The following VCPIP1 variants were observed in gnomAD, a reference collection of about 807,000 sequenced individuals.
VCPIP1 encodes valosin containing protein interacting protein 1.
A neutral mutation model predicts 85.0 loss-of-function variants in VCPIP1; 8 were observed. The observed-to-expected ratio is 0.09, with a 90% CI of 0.06 to 0.17. The LOEUF is 0.17. VCPIP1 is among the 10% of genes least tolerant of loss of function. The pLI, the probability that VCPIP1 is intolerant of heterozygous loss-of-function variation, is 1.00. For synonymous variants in VCPIP1, 543 were observed against 544.5 expected, an observed-to-expected ratio of 1.00 and a Z score of 0.04; for missense variants, 1,070 against 1,486.3, an observed-to-expected ratio of 0.72 and a Z score of 4.61.
intron 2 of VCPIP1, among the ~76,000 whole-genome samples, chr8:66,647,439 T>C (rs1275584017): frequency 6.6e-6 from 1 of 150,944 alleles, no homozygotes; most frequent in Non-Finnish European, 1.5e-5. Context: ...CCAAAACAAT[T>C]CTGAAAAAGA....
intron 2 of VCPIP1, among the ~76,000 whole-genome samples, chr8:66,650,941 T>G (rs1811047637): frequency 6.6e-6 from 1 of 150,406 alleles, no homozygotes; most frequent in Admixed American, 6.6e-5. Context: ...TCCCAACACT[T>G]TGGGAGGCCA....
chr8:66,661,025 C>G (rs1305034358), intron 1 of VCPIP1, among the ~76,000 whole-genome samples: 1 of 151,916 alleles, frequency 6.6e-6, no homozygotes, highest in Non-Finnish European at 1.5e-5. Context: ...CCTGGCGACA[C>G]TGCGAGACTC....
At chr8:66,652,802 A>C (rs1386879944) in intron 1 of VCPIP1, among the ~76,000 whole-genome samples, 1 of 152,202 alleles carries the variant, frequency 6.6e-6, no homozygotes, top group Non-Finnish European at 1.5e-5. Context: ...GGAACATAAC[A>C]GTTACTATGG....
intron 1 of VCPIP1, among the ~76,000 whole-genome samples, chr8:66,656,969 A>G (rs1040090581): frequency 8.6e-5 from 13 of 151,884 alleles, no homozygotes; most frequent in African/African-American, 2.9e-4. Flanking sequence ...GCAGTGGCGC[A>G]ATCTCTGTTC....
chr8:66,652,826 C>T (rs1480709605), intron 1 of VCPIP1, among the ~76,000 whole-genome samples: 1 of 152,038 alleles, frequency 6.6e-6, no homozygotes, highest in Non-Finnish European at 1.5e-5. Context: ...TTTTTATTTG[C>T]TTTATAGTTT....
Position 66,629,535 on chromosome 8 carries a change from A to G in VCPIP1, c.*4966T>C, listed in dbSNP as rs1391880300. On this transcript the variant is annotated 3_prime_UTR_variant, in exon 3 of 3. Coordinates refer to ENST00000310421, the MANE Select transcript of VCPIP1 (RefSeq NM_025054.5). The stretch of plus-strand genomic sequence containing the variant: ...AAATATTCAGTAAGCATTATGGCCC[A>G]ATTATGTAATATGTCTAAAGAAATT... 2.0e-5 allele frequency: 3 copies of G among 152,336 alleles called. No homozygotes were observed. In the East Asian group the frequency reaches 5.8e-4, roughly 29 times the overall value. 9.4% of individuals were successfully genotyped at this position (152,336 alleles called of 1,614,324 possible).
intron 2 of VCPIP1, among the ~76,000 whole-genome samples, chr8:66,650,256 T>C (rs1811039047): frequency 1.3e-5 from 2 of 152,092 alleles, no homozygotes; most frequent in Admixed American, 6.6e-5. Context: ...AGTAGGTAAA[T>C]GGGGATTCAT....
chr8:66,665,218 C>G lies in VCPIP1; in HGVS notation c.1741G>C (p.Asp581His). 1 of 1,614,020 alleles carries G rather than the reference C, an allele frequency of 6.2e-7. No individual in the cohort carries two copies. Among genetic ancestry groups the G allele is most frequent in the Non-Finnish European group, 8.5e-7 (1 of 1,179,958 alleles). ...GGTAGATTGTCATACTCCTTACCAT[C>G]CCAAAAGTGTTTGAATCCACAACCA... ...KCGCGFKHFW[D>H]GKEYDNLPEA... Residue 581 changes from aspartate to histidine, a missense_variant, in exon 1 of 3, where the codon GAT becomes CAT. By Grantham distance (81) the Asp-to-His change is moderately conservative. Transcript: ENST00000310421. This position sits in a 1 kb window ranked among gnomAD's most constrained non-coding sequence, Gnocchi z 4.3.
intron 1 of VCPIP1, among the ~76,000 whole-genome samples, chr8:66,662,447 C>T (rs898901797): frequency 4.6e-5 from 7 of 152,166 alleles, no homozygotes; most frequent in Non-Finnish European, 1.0e-4. Context: ...GACTGACCAT[C>T]CATTCCATTT....
chr8:66,643,435 C>T (rs1169394655), intron 2 of VCPIP1, among the ~76,000 whole-genome samples: 3 of 152,040 alleles, frequency 2.0e-5, no homozygotes, highest in Admixed American at 2.0e-4. Flanking sequence ...GGCATGGTGC[C>T]TCATGCCTGT....
In VCPIP1 at chr8:66,645,814, C is replaced by T. The variant is rs1026239654; in HGVS notation, c.2797+5644G>A. Among the ~76,000 whole-genome samples the T allele has an allele frequency of 2.0e-5, 3 of 151,430 alleles. No individual in the cohort carries two copies. In the South Asian group the frequency reaches 6.2e-4, roughly 32 times the overall value. On this transcript the variant is annotated intron_variant, in intron 2 of 2. Transcript: ENST00000310421. ...GGCGTGGTGGTGCGCACCTGTAGTC[C>T]CTGCTACTCAGAAGGCCAAGGTGGG...
At chr8:66,638,970 C>CTCTCTCTCTCTCTCTATATA in intron 2 of VCPIP1, among the ~76,000 whole-genome samples, 1 of 118,420 alleles carries the variant, frequency 8.4e-6, no homozygotes, top group Non-Finnish European at 1.6e-5. Flanking sequence ...CTCTCTCTCT[C>CTCTCTCTCTCTCTCTATATA]TATATATATA....
chr8:66,641,362 G>A (rs758709884), intron 2 of VCPIP1, among the ~76,000 whole-genome samples: 14 of 151,948 alleles, frequency 9.2e-5, no homozygotes, highest in Non-Finnish European at 2.1e-4. Context: ...AATGGTTTGG[G>A]ACATATATAT....
chr8:66,632,617 T>C lies in VCPIP1; in HGVS notation c.*1884A>G, dbSNP rs917698365. 4 of 152,138 alleles carry C rather than the reference T, an allele frequency of 2.6e-5. No individual in the cohort carries two copies. Among genetic ancestry groups the C allele is most frequent in the African/African-American group, 9.6e-5 (4 of 41,464 alleles). 9.4% of individuals were successfully genotyped at this position (152,138 alleles called of 1,614,324 possible). A position where few individuals can be genotyped will look rare whatever the true frequency, so the allele number is the denominator to read the frequency against. ...AGAAAATATTTGTTAAAGAAGATTA[T>C]ATCATTTTACATGAAAGCAGTGCAT... On this transcript the variant is annotated 3_prime_UTR_variant, in exon 3 of 3. Transcript: ENST00000310421.
At chr8:66,640,004 G>T (rs991584259) in intron 2 of VCPIP1, among the ~76,000 whole-genome samples, 1 of 152,006 alleles carries the variant, frequency 6.6e-6, no homozygotes, top group Non-Finnish European at 1.5e-5. Context: ...TAAATATCTG[G>T]GTGATGAAAT....
At chr8:66,657,299 T>A (rs1020847138) in intron 1 of VCPIP1, among the ~76,000 whole-genome samples, 3 of 152,180 alleles carry the variant, frequency 2.0e-5, no homozygotes, top group African/African-American at 7.2e-5. Context: ...TTATTTAAAT[T>A]TAAAATTTAA....
rs199979523 is a variant in VCPIP1 at position 66,666,841 on chromosome 8, T to C, written c.118A>G (p.Arg40Gly). The change falls in exon 1 of 3, where the codon AGA (arginine) becomes GGA (glycine). Residue 40 changes from arginine (R) to glycine (G), a missense_variant. Coordinates refer to ENST00000310421, the MANE Select transcript of VCPIP1 (RefSeq NM_025054.5). The surrounding 1 kb of genome is among the most constrained non-coding windows in gnomAD (Gnocchi z 6.3). The part of the protein sequence containing the change: ...AAASGGLLKR[R>G]DRRILSGSCP... ...CTCCCGGAAAGGATTCTCCGGTCTCTCCGCTTCAAAAGCCCCCCCGAAGCA... is the reference window on the plus strand; with the variant it reads ...CTCCCGGAAAGGATTCTCCGGTCTCCCCGCTTCAAAAGCCCCCCCGAAGCA... 47 of 1,613,444 alleles carry C rather than the reference T, an allele frequency of 2.9e-5. No homozygotes were observed. The highest frequency in any genetic ancestry group is 3.7e-5 in the Non-Finnish European group (44 of 1,179,968).
rs139820648 is a variant in VCPIP1 at position 66,664,666 on chromosome 8, C to G, written c.2293G>C (p.Ala765Pro). 5.6e-6 allele frequency: 9 copies of G among 1,613,230 alleles called. No homozygotes were observed. The highest frequency in any genetic ancestry group is 2.7e-5 in the African/African-American group (2 of 74,958). ...PSSAPATPTK[A>P]PYSPTTSKEK... Reference sequence around the variant, plus strand: ...TTAGAAGTTGTCGGTGAATAGGGAGCCTTGGTAGGTGTAGCAGGTGCAGAG... The same window carrying G: ...TTAGAAGTTGTCGGTGAATAGGGAGGCTTGGTAGGTGTAGCAGGTGCAGAG... The change falls in exon 1 of 3, where the codon GCT becomes CCT. Residue 765 changes from alanine to proline, a missense_variant. Ala to Pro is a conservative substitution (Grantham distance 27, BLOSUM62 -1). Around this residue, in one of 8 missense-constraint regions of VCPIP1, gnomAD observed 278 missense variants for 298.5 expected, o/e 0.93. Transcript: ENST00000310421.
intron 1 of VCPIP1, among the ~76,000 whole-genome samples, chr8:66,653,082 T>C (rs1173316346): frequency 6.6e-6 from 1 of 152,232 alleles, no homozygotes; most frequent in African/African-American, 2.4e-5. Context: ...TTACCTTCAC[T>C]ATACCAGCTT....
Sources: gnomAD v4.1 joint callset for allele counts (sites outside exome capture counted in the v4.1 genomes callset) on GRCh38, gnomAD v4.1.1 for gene constraint, gnomAD v4.1.1 regional missense constraint, Gnocchi (gnomAD v3.1) non-coding constraint, MANE v1.5 for transcripts, NCBI Gene and HGNC (gene_info 2026-07-23, HGNC 2026-07-21) for gene names.